Variants in RAB31 observed in about 807,000 individuals in gnomAD.
RAB31 encodes ras-related protein Rab-31.
RAB31 carries 21 observed loss-of-function variants against 25.6 expected under a neutral mutation model. The observed-to-expected ratio is 0.82, with a 90% confidence interval of 0.58 to 1.18. The LOEUF is 1.18. Ranked by LOEUF, RAB31 falls within the 50% of genes most tolerant of loss-of-function variation. The pLI is 0.00. For synonymous variants in RAB31, 87 were observed against 84.0 expected, an observed-to-expected ratio of 1.04 and a Z score of -0.20; for missense variants, 196 against 250.1, an observed-to-expected ratio of 0.78 and a Z score of 1.46.
chr18:9,764,763 G>A (rs1399261251), intron 1 of RAB31, among the ~76,000 whole-genome samples: 1 of 152,012 alleles, frequency 6.6e-6, no homozygotes, highest in Non-Finnish European at 1.5e-5. Flanking sequence ...CTTTCATGGA[G>A]GGAACTGTGG....
At chr18:9,723,980 G>A (rs2068084640) in intron 1 of RAB31, among the ~76,000 whole-genome samples, 1 of 152,182 alleles carries the variant, frequency 6.6e-6, no homozygotes, top group Non-Finnish European at 1.5e-5. Flanking sequence ...AACCTAGTGT[G>A]TAATATTGTA....
intron 1 of RAB31, among the ~76,000 whole-genome samples, chr18:9,757,576 G>A (rs1020417368): frequency 1.3e-5 from 2 of 152,148 alleles, no homozygotes; most frequent in Non-Finnish European, 2.9e-5. Flanking sequence ...GGAAGTGAGT[G>A]GTGTTCCTAG....
At chr18:9,734,662 G>A (rs904237794) in intron 1 of RAB31, among the ~76,000 whole-genome samples, 1 of 152,192 alleles carries the variant, frequency 6.6e-6, no homozygotes, top group South Asian at 2.1e-4. Flanking sequence ...CCACCCCTGC[G>A]GGGGAGCAGT....
At chr18:9,738,252 A>G (rs959306469) in intron 1 of RAB31, among the ~76,000 whole-genome samples, 5 of 152,184 alleles carry the variant, frequency 3.3e-5, no homozygotes, top group African/African-American at 1.2e-4. Context: ...AAACCCTTAG[A>G]ATCTCTGGAG....
chr18:9,854,070 T>G (rs1461374196), intron 6 of RAB31, among the ~76,000 whole-genome samples: 1 of 151,576 alleles, frequency 6.6e-6, no homozygotes, highest in African/African-American at 2.4e-5. Context: ...TATCAACACG[T>G]CATCTAGGTT....
chr18:9,759,660 G>T (rs2068277753), intron 1 of RAB31, among the ~76,000 whole-genome samples: 1 of 152,094 alleles, frequency 6.6e-6, no homozygotes, highest in Admixed American at 6.6e-5. Flanking sequence ...GACCAACAAG[G>T]TATATGCTTG....
At position 9,859,284 on chromosome 18, in the gene RAB31, G is replaced by GTT; in HGVS notation, c.548_549dup (p.Glu184LeufsTer23). On this transcript the variant is annotated frameshift_variant, in exon 7 of 7. Transcript: ENST00000578921. LOFTEE classifies it high-confidence loss of function. Reference sequence around the variant, plus strand: ...AAATGGAAACAATGGAACAATCAAAGTTGAGAAGCCAACCATGCAAGCCAG... The same window carrying GTT: ...AAATGGAAACAATGGAACAATCAAAGTTTTGAGAAGCCAACCATGCAAGCCAG... The GTT allele has an allele frequency of 1.9e-6, 3 of 1,613,910 alleles. No homozygotes were observed. Among genetic ancestry groups the GTT allele is most frequent in the Non-Finnish European group, 2.5e-6 (3 of 1,179,838 alleles).
intron 1 of RAB31, among the ~76,000 whole-genome samples, chr18:9,730,198 T>C (rs1403983960): frequency 1.3e-5 from 2 of 152,236 alleles, no homozygotes; most frequent in Non-Finnish European, 2.9e-5. Flanking sequence ...TTTTTACTAA[T>C]TTCTTACGCA....
intron 3 of RAB31, among the ~76,000 whole-genome samples, chr18:9,810,651 A>G (rs1325771084): frequency 1.3e-5 from 2 of 152,244 alleles, no homozygotes. Context: ...AGATCGCTTC[A>G]ATAATTCATG....
intron 1 of RAB31, among the ~76,000 whole-genome samples, chr18:9,772,260 G>A (rs560097703): frequency 6.6e-6 from 1 of 151,772 alleles, no homozygotes; most frequent in South Asian, 2.1e-4. Context: ...CCAGGGGCAC[G>A]TGAGGGAACT....
chr18:9,771,046 C>A (rs982562239), intron 1 of RAB31, among the ~76,000 whole-genome samples: 2 of 152,032 alleles, frequency 1.3e-5, no homozygotes, highest in African/African-American at 4.8e-5. Flanking sequence ...CGGTGCACAC[C>A]TGTAGTCTCG....
At position 9,809,604 on chromosome 18, in the gene RAB31, G is replaced by C. The variant is rs116311106; in HGVS notation, c.202-4416G>C. On this transcript the variant is annotated intron_variant, in intron 3 of 6. Transcript: ENST00000578921. ...CCTCAGGAAAATACCACACTAGGCT[G>C]TCTTGCCTCATGTGCCATTTAATAT... 5.4e-3 allele frequency among the ~76,000 whole-genome samples: 816 copies of C among 152,304 alleles called. 7 individuals carry two copies. The highest frequency in any genetic ancestry group is 0.019 in the African/African-American group (769 of 41,558).
chr18:9,806,050 A>G (rs4280317), intron 3 of RAB31, among the ~76,000 whole-genome samples: 52,197 of 151,518 alleles, frequency 0.34, 9,023 homozygotes, highest in South Asian at 0.41. Context: ...GGTGGCAGGC[A>G]TCTGTAGTCC....
chr18:9,708,508 T>C lies in RAB31; in HGVS notation c.39+64T>C. On this transcript the variant is annotated intron_variant, in intron 1 of 6. Transcript: ENST00000578921. The surrounding 1 kb of genome is among the most constrained non-coding windows in gnomAD (Gnocchi z 6.4). ...GCGCTCTCGCGCCCCTTCGCTCCCC[T>C]ATTCCCTGCGCGCTCAGTCCCCGTG... 1 of 1,388,442 alleles carries C rather than the reference T, an allele frequency of 7.2e-7. No homozygotes were observed. Among genetic ancestry groups the C allele is most frequent in the Non-Finnish European group, 9.7e-7 (1 of 1,032,720 alleles). 86.0% of individuals were successfully genotyped at this position (1,388,442 alleles called of 1,614,324 possible).
intron 1 of RAB31, among the ~76,000 whole-genome samples, chr18:9,773,575 T>C (rs930829499): frequency 6.6e-6 from 1 of 152,172 alleles, no homozygotes; most frequent in Admixed American, 6.5e-5. Flanking sequence ...CAGATGCTTT[T>C]TTCTACTTTC....
chr18:9,716,095 A>G (rs1238413931), intron 1 of RAB31, among the ~76,000 whole-genome samples: 1 of 152,160 alleles, frequency 6.6e-6, no homozygotes, highest in Non-Finnish European at 1.5e-5. Flanking sequence ...GTTAGAGATC[A>G]TGTATTTCAT....
intron 3 of RAB31, among the ~76,000 whole-genome samples, chr18:9,811,094 G>A (rs1373553306): frequency 3.3e-5 from 5 of 152,176 alleles, no homozygotes; most frequent in South Asian, 2.1e-4. Flanking sequence ...CAGTGAGTAC[G>A]GAAAGGCATG....
intron 1 of RAB31, among the ~76,000 whole-genome samples, chr18:9,762,405 A>G (rs2068293830): frequency 6.6e-6 from 1 of 152,174 alleles, no homozygotes; most frequent in African/African-American, 2.4e-5. Flanking sequence ...GTTATTCCAT[A>G]TGATCTGCGA....
chr18:9,841,191 C>G (rs919521070), intron 5 of RAB31, among the ~76,000 whole-genome samples: 1 of 151,892 alleles, frequency 6.6e-6, no homozygotes, highest in Non-Finnish European at 1.5e-5. Context: ...CTTGACCTCC[C>G]AAAGTGCTGG....
Sources: gnomAD v4.1 joint callset for allele counts (sites outside exome capture counted in the v4.1 genomes callset) on GRCh38, gnomAD v4.1.1 for gene constraint, Gnocchi (gnomAD v3.1) non-coding constraint, MANE v1.5 for transcripts, NCBI Gene and HGNC (gene_info 2026-07-23, HGNC 2026-07-21) for gene names.